The following SLIT2 variants were observed in gnomAD, a reference collection of about 807,000 sequenced individuals.
SLIT2 encodes slit guidance ligand 2.
A neutral mutation model predicts 185.7 loss-of-function variants in SLIT2; 41 were observed. That is an observed-to-expected ratio of 0.22 (90% CI 0.17 to 0.29). The LOEUF (loss-of-function observed/expected upper bound fraction) is 0.29, where lower values mean the gene tolerates loss of function less well. SLIT2 is among the 10% of genes least tolerant of loss of function. The pLI is 1.00. For synonymous variants in SLIT2, 693 were observed against 680.2 expected (o/e 1.02, Z -0.29); for missense variants, 1,571 against 1,909.0 (o/e 0.82, Z 3.30).
At position 20,254,052 on chromosome 4, in the gene SLIT2, C is replaced by G. The variant is rs1022563187; in HGVS notation, c.179+58C>G. Reference sequence around the variant, plus strand: ...CATCCGGGCCGCGCACCCCTGCCTCCACTGGAGGAACCTGTCAGCTCAGGG... The same window carrying G: ...CATCCGGGCCGCGCACCCCTGCCTCGACTGGAGGAACCTGTCAGCTCAGGG... On this transcript the variant is annotated intron_variant, in intron 1 of 36. Transcript: ENST00000504154. This position sits in a 1 kb window ranked among gnomAD's most constrained non-coding sequence, Gnocchi z 5.1. The G allele has an allele frequency of 5.7e-5, 87 of 1,532,196 alleles. No individual in the cohort carries two copies. The African/African-American group carries it at 1.1e-3, about 20-fold the overall frequency. 94.9% of individuals were successfully genotyped at this position (1,532,196 alleles called of 1,614,324 possible).
chr4:20,423,001 C>T (rs571860759), intron 4 of SLIT2, among the ~76,000 whole-genome samples: 1 of 152,062 alleles, frequency 6.6e-6, no homozygotes, highest in African/African-American at 2.4e-5. Flanking sequence ...GCCTTTATTT[C>T]TTGTTCCTTA....
chr4:20,568,840 T>C, intron 28 of SLIT2, 25 bp from the exon 29 acceptor site: 21 of 1,603,528 alleles, frequency 1.3e-5, no homozygotes, highest in Non-Finnish European at 1.8e-5. Context: ...AAGATGTTTT[T>C]TGCCTTTTCT....
intron 4 of SLIT2, among the ~76,000 whole-genome samples, chr4:20,350,873 T>C (rs1402842247): frequency 2.6e-5 from 4 of 152,114 alleles, no homozygotes; most frequent in African/African-American, 9.7e-5. Flanking sequence ...CTTATAAAAG[T>C]AATATAATAT....
chr4:20,542,505 A>C lies in SLIT2; in HGVS notation c.2155A>C (p.Asn719His), dbSNP rs1722886944. 1.9e-6 allele frequency: 3 copies of C among 1,613,520 alleles called. No individual in the cohort carries two copies. The African/African-American group carries it at 4.0e-5, about 22-fold the overall frequency. ...CCTCTGCGATTTAGGAAATGATGAC[A>C]ATAGTTGCTCCCCACTTTCTCGCTG... ...DFTCDDGNDD[N>H]SCSPLSRCPT... The change falls in exon 21 of 37, where the codon AAT becomes CAT. Residue 719 changes from asparagine (N) to histidine (H), a missense_variant. Asn to His is a moderately conservative substitution (Grantham distance 68). Transcript: ENST00000504154.
intron 11 of SLIT2, among the ~76,000 whole-genome samples, chr4:20,518,357 A>G (rs1366371312): frequency 4.4e-5 from 6 of 137,436 alleles, no homozygotes; most frequent in Middle Eastern, 3.6e-3. Flanking sequence ...GGTTCATGCC[A>G]TTCTCCTGCC....
intron 4 of SLIT2, among the ~76,000 whole-genome samples, chr4:20,434,309 G>GA (rs11446069): frequency 0.47 from 70,807 of 151,798 alleles, 16,946 homozygotes; most frequent in African/African-American, 0.53. Context: ...CCAACATGGA[G>GA]AACCCTATCT....
At chr4:20,472,287 G>T (rs1266193647) in intron 5 of SLIT2, among the ~76,000 whole-genome samples, 1,228 of 14,548 alleles carry the variant, frequency 0.084, 158 homozygotes, top group African/African-American at 0.22. Context: ...TATATATATA[G>T]ATATATAGAT....
rs1721992161 is a variant in SLIT2, at chr4:20,533,557, A to T, written c.1689-15A>T. 6.3e-7 allele frequency: 1 copy of T among 1,589,658 alleles called. No individual in the cohort carries two copies. Among genetic ancestry groups the T allele is most frequent in the African/African-American group, 1.4e-5 (1 of 73,962 alleles). On this transcript the variant is annotated splice_polypyrimidine_tract_variant and intron_variant, in intron 17 of 36. Transcript: ENST00000504154. Reference sequence around the variant, plus strand: ...GAAATTATTTAAAACCTTTGTTCCAACAATTTTTATTTAGAAACTTTAGCA... The same window carrying T: ...GAAATTATTTAAAACCTTTGTTCCATCAATTTTTATTTAGAAACTTTAGCA...
At chr4:20,427,016 A>C (rs77522072) in intron 4 of SLIT2, among the ~76,000 whole-genome samples, 1 of 152,158 alleles carries the variant, frequency 6.6e-6, no homozygotes, top group Non-Finnish European at 1.5e-5. Context: ...ACCAAACACT[A>C]TGTAACATTT....
chr4:20,473,521 TAGAG>T (rs1715787953), intron 5 of SLIT2, among the ~76,000 whole-genome samples: 1 of 152,086 alleles, frequency 6.6e-6, no homozygotes, highest in African/African-American at 2.4e-5. Context: ...GCAAACAGGA[TAGAG>T]AGAGTTCACC....
intron 4 of SLIT2, among the ~76,000 whole-genome samples, chr4:20,286,143 T>TG (rs1715245827): frequency 6.6e-6 from 1 of 152,258 alleles, no homozygotes; most frequent in Non-Finnish European, 1.5e-5. Flanking sequence ...TTAACTGTTC[T>TG]GGGGATAAGA....
chr4:20,491,924 T>C, intron 9 of SLIT2, 25 bp downstream of exon 9: 1 of 1,606,036 alleles, frequency 6.2e-7, no homozygotes, highest in Non-Finnish European at 8.5e-7. Flanking sequence ...TTCTTTCTTA[T>C]CTCCCCACCT....
At chr4:20,337,321 A>G (rs1720589681) in intron 4 of SLIT2, among the ~76,000 whole-genome samples, 1 of 152,106 alleles carries the variant, frequency 6.6e-6, no homozygotes, top group African/African-American at 2.4e-5. Flanking sequence ...GGGAAACTCC[A>G]CCTTATGAAG....
At chr4:20,355,701 C>A (rs1052269982) in intron 4 of SLIT2, among the ~76,000 whole-genome samples, 5 of 152,022 alleles carry the variant, frequency 3.3e-5, no homozygotes, top group African/African-American at 9.7e-5. Context: ...TTAAGTAAAC[C>A]AAAACTTTAC....
intron 4 of SLIT2, among the ~76,000 whole-genome samples, chr4:20,331,093 C>G (rs1577445736): frequency 6.6e-6 from 1 of 152,220 alleles, no homozygotes; most frequent in South Asian, 2.1e-4. Context: ...AGTGATTCTG[C>G]AAATTTGCCA....
intron 5 of SLIT2, among the ~76,000 whole-genome samples, chr4:20,470,095 T>C (rs1714815230): frequency 6.6e-6 from 1 of 152,068 alleles, no homozygotes; most frequent in Admixed American, 6.6e-5. Context: ...TATTTGGGTT[T>C]GGTATGGTTA....
intron 9 of SLIT2, among the ~76,000 whole-genome samples, chr4:20,505,911 T>C (rs897612554): frequency 1.3e-5 from 2 of 152,018 alleles, no homozygotes; most frequent in Admixed American, 6.6e-5. Context: ...GAGAAAAAAA[T>C]TGTAGAAGTG....
Position 20,620,311 on chromosome 4 carries a change from A to G in SLIT2, c.*1302A>G, listed in dbSNP as rs1304564225. ...ACAATAAAACTCCTTTATTATCTTA[A>G]TGCTCCCATGTTAACATGTTTGCTG... On this transcript the variant is annotated 3_prime_UTR_variant, in exon 37 of 37. Coordinates refer to ENST00000504154, the MANE Select transcript of SLIT2 (RefSeq NM_004787.4). 1.3e-5 allele frequency: 5 copies of G among 386,182 alleles called. No individual in the cohort carries two copies. Among genetic ancestry groups the G allele is most frequent in the Non-Finnish European group, 2.5e-5 (5 of 199,442 alleles). The allele number at this position is 386,182 out of a possible 1,614,324, so 23.9% of individuals were successfully genotyped here. A position where few individuals can be genotyped will look rare whatever the true frequency, so the allele number is the denominator to read the frequency against.
intron 9 of SLIT2, among the ~76,000 whole-genome samples, chr4:20,505,895 G>A (rs567140544): frequency 6.6e-6 from 1 of 152,162 alleles, no homozygotes; most frequent in Admixed American, 6.6e-5. Flanking sequence ...AGTAATTAGA[G>A]AGCAAGAGAA....
Sources: gnomAD v4.1 joint callset for allele counts (sites outside exome capture counted in the v4.1 genomes callset) on GRCh38, gnomAD v4.1.1 for gene constraint, Gnocchi (gnomAD v3.1) non-coding constraint, MANE v1.5 for transcripts, NCBI Gene and HGNC (gene_info 2026-07-23, HGNC 2026-07-21) for gene names.